The following MBNL2 variants were observed in gnomAD, a reference collection of about 807,000 sequenced individuals.
MBNL2 encodes the protein muscleblind-like protein 2.
A neutral mutation model predicts 41.9 loss-of-function variants in MBNL2; 17 were observed. The ratio of observed to expected loss-of-function variants is 0.41; its 90% CI spans 0.28 to 0.61. The LOEUF (loss-of-function observed/expected upper bound fraction) is 0.61. Among genes scored for constraint, MBNL2 ranks in the 20% least tolerant of loss-of-function variants. MBNL2 has a pLI of 0.35. For synonymous variants in MBNL2, 195 were observed against 182.9 expected (o/e 1.07, Z -0.53); for missense variants, 336 against 505.6 (o/e 0.66, Z 3.22).
intron 2 of MBNL2, among the ~76,000 whole-genome samples, chr13:97,277,975 G>A (rs1160560763): frequency 2.6e-5 from 4 of 151,722 alleles, no homozygotes; most frequent in Non-Finnish European, 2.9e-5. Context: ...AGCAGTGTAG[G>A]CCGGGCATGG....
At chr13:97,167,440 A>G in the MBNL2 span, among the ~76,000 whole-genome samples, 21 of 152,240 alleles carry the variant, frequency 1.4e-4, no homozygotes, top group Admixed American at 7.8e-4. Flanking sequence ...ACCAGAAAGT[A>G]GATATTTTTA....
intron 1 of MBNL2, among the ~76,000 whole-genome samples, chr13:97,253,210 A>T (rs1445396271): frequency 6.6e-6 from 1 of 152,218 alleles, no homozygotes; most frequent in African/African-American, 2.4e-5. Context: ...TTTAAAATAA[A>T]GATAACCAAC....
At chr13:97,364,948 T>C (rs1281475251) in intron 7 of MBNL2, among the ~76,000 whole-genome samples, 188 bp from the exon 8 acceptor site, 3 of 152,232 alleles carry the variant, frequency 2.0e-5, no homozygotes, top group Non-Finnish European at 4.4e-5. Flanking sequence ...CTTGGAATAA[T>C]ACTGGCTTAA....
intron 2 of MBNL2, among the ~76,000 whole-genome samples, chr13:97,312,725 A>G (rs1458177815): frequency 1.3e-5 from 2 of 152,182 alleles, no homozygotes; most frequent in African/African-American, 4.8e-5. Flanking sequence ...TACTACTCAT[A>G]TGTTTTCAAA....
At chr13:97,202,141 C>A in the MBNL2 span, among the ~76,000 whole-genome samples, 3 of 152,064 alleles carry the variant, frequency 2.0e-5, no homozygotes. Flanking sequence ...GTAGTTGAAG[C>A]GATCTGATAT....
At chr13:97,257,827 T>C (rs60830598) in intron 1 of MBNL2, among the ~76,000 whole-genome samples, 3,691 of 152,330 alleles carry the variant, frequency 0.024, 69 homozygotes, top group South Asian at 0.11. Flanking sequence ...TCCCCTTCCA[T>C]AAAATGTGAA....
chr13:97,270,837 T>G (rs2050800212), intron 1 of MBNL2, among the ~76,000 whole-genome samples: 1 of 152,184 alleles, frequency 6.6e-6, no homozygotes, highest in Admixed American at 6.5e-5. Flanking sequence ...TTATCTTTGG[T>G]AGAACCATCT....
chr13:97,145,159 GAAC>G, the MBNL2 span, among the ~76,000 whole-genome samples: 1 of 152,144 alleles, frequency 6.6e-6, no homozygotes, highest in African/African-American at 2.4e-5. Flanking sequence ...CTGGGTCCCT[GAAC>G]AACTCCAATG....
At chr13:97,271,863 A>G (rs2051103655) in intron 1 of MBNL2, among the ~76,000 whole-genome samples, 3 of 152,176 alleles carry the variant, frequency 2.0e-5, no homozygotes, top group Admixed American at 6.5e-5. Context: ...TTGCTATTGT[A>G]AATAGTGCTG....
chr13:97,341,985 G>A (rs1384717463), intron 3 of MBNL2, among the ~76,000 whole-genome samples: 1 of 152,158 alleles, frequency 6.6e-6, no homozygotes, highest in Non-Finnish European at 1.5e-5. Context: ...GCATTAATAT[G>A]TAATTGCAAA....
chr13:97,144,523 G>C, the MBNL2 span, among the ~76,000 whole-genome samples: 1 of 146,686 alleles, frequency 6.8e-6, no homozygotes, highest in African/African-American at 2.6e-5. Context: ...TCTGCCTCCC[G>C]GGTTCAAGCA....
At chr13:97,276,473 CATTGCA>C in intron 2 of MBNL2, 64 bp downstream of exon 2, 1 of 1,430,098 alleles carries the variant, frequency 7.0e-7, no homozygotes. Context: ...GAAGGCTTTT[CATTGCA>C]TTTTTACAGA....
the MBNL2 span, among the ~76,000 whole-genome samples, chr13:97,198,876 CAAT>C: frequency 1.3e-5 from 2 of 152,156 alleles, no homozygotes; most frequent in African/African-American, 4.8e-5. Context: ...CCACCATAAT[CAAT>C]AACCTCCTAA....
the MBNL2 span, among the ~76,000 whole-genome samples, chr13:97,163,081 A>G: frequency 1.3e-5 from 2 of 152,182 alleles, no homozygotes; most frequent in Non-Finnish European, 2.9e-5. Flanking sequence ...AACAACACCA[A>G]CAACAAAGAA....
At chr13:97,208,159 T>C in the MBNL2 span, among the ~76,000 whole-genome samples, 1 of 152,248 alleles carries the variant, frequency 6.6e-6, no homozygotes, top group African/African-American at 2.4e-5. Flanking sequence ...CTTGCAGGAC[T>C]TCTCAAAGCC....
intron 8 of MBNL2, among the ~76,000 whole-genome samples, chr13:97,376,991 AGAAAGTGCT>A (rs1365975596): frequency 3.3e-5 from 5 of 152,170 alleles, no homozygotes; most frequent in Non-Finnish European, 5.9e-5. Context: ...TGCCTTCCTG[AGAAAGTGCT>A]TTAACGGATC....
intron 5 of MBNL2, among the ~76,000 whole-genome samples, chr13:97,355,850 G>A (rs1391660537): frequency 6.6e-6 from 1 of 152,122 alleles, no homozygotes; most frequent in Non-Finnish European, 1.5e-5. Context: ...CATTAATGGG[G>A]TTGCTCACTG....
intron 1 of MBNL2, among the ~76,000 whole-genome samples, chr13:97,229,550 A>T (rs2042103553): frequency 1.3e-5 from 2 of 150,356 alleles, no homozygotes; most frequent in Non-Finnish European, 3.0e-5. Flanking sequence ...TTTCTGATCT[A>T]AAAAAAAACA....
chr13:97,344,183 T>C (rs749057451), intron 4 of MBNL2, among the ~76,000 whole-genome samples: 15 of 152,254 alleles, frequency 9.9e-5, no homozygotes, highest in Non-Finnish European at 1.8e-4. Context: ...AGTTCCTATA[T>C]ATAAAAAACA....
Sources: gnomAD v4.1 joint callset for allele counts (sites outside exome capture counted in the v4.1 genomes callset) on GRCh38, gnomAD v4.1.1 for gene constraint, MANE v1.5 for transcripts, NCBI Gene and HGNC (gene_info 2026-07-23, HGNC 2026-07-21) for gene names.